The following RAB3IP variants were observed in gnomAD, a reference collection of about 807,000 sequenced individuals.
The protein encoded by RAB3IP is RAB3A interacting protein.
A neutral mutation model predicts 59.1 loss-of-function variants in RAB3IP; 36 were observed. The ratio of observed to expected loss-of-function variants is 0.61; its 90% CI spans 0.47 to 0.80. The LOEUF is 0.80. RAB3IP is among the 30% of genes least tolerant of loss of function. The pLI is 0.00. For synonymous variants in RAB3IP, 207 were observed against 191.2 expected, an observed-to-expected ratio of 1.08 and a Z score of -0.68; for missense variants, 511 against 536.0, an observed-to-expected ratio of 0.95 and a Z score of 0.46.
intron 2 of RAB3IP, 27 bp from the exon 3 acceptor site, chr12:69,756,378 T>C: frequency 6.2e-7 from 1 of 1,608,564 alleles, no homozygotes; most frequent in Non-Finnish European, 8.5e-7. Context: ...GCTGATATTT[T>C]CTGAAAAATG....
Position 69,756,434 on chromosome 12 carries a change from C to A in RAB3IP, c.281C>A (p.Ser94Tyr), listed in dbSNP as rs1870231417. ...CATGTTACAGACCCAGCCCCTTGCTCTACCTCTGGAGTCACAGCTGGATTA... is the reference window on the plus strand; with the variant it reads ...CATGTTACAGACCCAGCCCCTTGCTATACCTCTGGAGTCACAGCTGGATTA... ...SFHVTDPAPC[S>Y]TSGVTAGLTK... Residue 94 changes from serine (S) to tyrosine (Y), a missense_variant, in exon 3 of 11, where the codon TCT becomes TAT. Coordinates refer to ENST00000247833, the MANE Select transcript of RAB3IP (RefSeq NM_022456.5). The A allele has an allele frequency of 1.9e-6, 3 of 1,613,924 alleles. No individual in the cohort carries two copies. The highest frequency in any genetic ancestry group is 2.5e-6 in the Non-Finnish European group (3 of 1,179,968).
At chr12:69,760,906 T>C (rs932160896) in intron 3 of RAB3IP, among the ~76,000 whole-genome samples, 17 of 152,326 alleles carry the variant, frequency 1.1e-4, no homozygotes, top group African/African-American at 4.1e-4. Flanking sequence ...TGTTTGGGAT[T>C]TATTGAGCTT....
intron 3 of RAB3IP, among the ~76,000 whole-genome samples, chr12:69,762,403 T>C (rs907341847): frequency 6.6e-6 from 1 of 152,250 alleles, no homozygotes; most frequent in South Asian, 2.1e-4. Flanking sequence ...ACTTGTTGAT[T>C]CTTACATTCA....
intron 8 of RAB3IP, among the ~76,000 whole-genome samples, chr12:69,808,844 T>C (rs1202540231): frequency 2.0e-5 from 3 of 152,180 alleles, no homozygotes; most frequent in Non-Finnish European, 4.4e-5. Context: ...GGGTCTTGAC[T>C]CTTTATCCAA....
chr12:69,741,633 T>C (rs1191402846), intron 1 of RAB3IP, among the ~76,000 whole-genome samples: 1 of 152,238 alleles, frequency 6.6e-6, no homozygotes, highest in African/African-American at 2.4e-5. Flanking sequence ...GAGGAGATAA[T>C]ACTTTATCCC....
intron 8 of RAB3IP, among the ~76,000 whole-genome samples, chr12:69,804,927 C>T (rs1193823310): frequency 1.9e-4 from 29 of 152,080 alleles, no homozygotes; most frequent in Non-Finnish European, 2.6e-4. Flanking sequence ...AGTCAGGTAG[C>T]GTGATGCCTC....
intron 8 of RAB3IP, among the ~76,000 whole-genome samples, chr12:69,807,892 C>A (rs1329166449): frequency 6.6e-6 from 1 of 151,830 alleles, no homozygotes; most frequent in African/African-American, 2.4e-5. Context: ...AGACGCTCCT[C>A]ACCTCCCAGA....
intron 3 of RAB3IP, among the ~76,000 whole-genome samples, chr12:69,759,299 G>A (rs1203305817): frequency 6.6e-6 from 1 of 151,090 alleles, no homozygotes; most frequent in Non-Finnish European, 1.5e-5. Context: ...CACAGGGTTG[G>A]GGGTAAGGTC....
intron 8 of RAB3IP, among the ~76,000 whole-genome samples, chr12:69,808,950 A>C (rs1268785237): frequency 5.3e-5 from 8 of 151,896 alleles, no homozygotes; most frequent in African/African-American, 9.7e-5. Flanking sequence ...TTATGATGTT[A>C]GCTGGTTATT....
chr12:69,746,555 A>G (rs1816632167), intron 1 of RAB3IP, among the ~76,000 whole-genome samples: 1 of 152,118 alleles, frequency 6.6e-6, no homozygotes, highest in Non-Finnish European at 1.5e-5. Context: ...TCTTTGGTCC[A>G]TTTGTATCTG....
At chr12:69,764,216 T>C (rs778939823) in intron 3 of RAB3IP, among the ~76,000 whole-genome samples, 7 of 152,182 alleles carry the variant, frequency 4.6e-5, no homozygotes, top group African/African-American at 9.7e-5. Flanking sequence ...AGGATTCTTA[T>C]GGCTTATGGA....
chr12:69,812,730 G>A, intron 8 of RAB3IP, 48 bp from the exon 9 acceptor site: 1 of 1,269,526 alleles, frequency 7.9e-7, no homozygotes, highest in East Asian at 2.3e-5. Flanking sequence ...GAAGGTAGGG[G>A]CAAATGCTTT....
Position 69,755,638 on chromosome 12 carries a change from G to A in RAB3IP, c.230G>A (p.Cys77Tyr), listed in dbSNP as rs954250611. 6.2e-7 allele frequency: 1 copy of A among 1,612,664 alleles called. No homozygotes were observed. The highest frequency in any genetic ancestry group is 1.3e-5 in the African/African-American group (1 of 74,806). The change falls in exon 2 of 11, where the codon TGT becomes TAT. Residue 77 changes from cysteine to tyrosine, a missense_variant. By Grantham distance (194) the Cys-to-Tyr change is radical. Coordinates refer to ENST00000247833, the MANE Select transcript of RAB3IP (RefSeq NM_022456.5). Reference sequence around the variant, plus strand: ...TATTCATCCCCCAGACGTTTAAATTGTGCGGAAATATCTAGTATCAGGTAG... The same window carrying A: ...TATTCATCCCCCAGACGTTTAAATTATGCGGAAATATCTAGTATCAGGTAG... ...PVYSSPRRLNCAEISSISFHV... is the reference protein window; with the variant it reads ...PVYSSPRRLNYAEISSISFHV...
intron 4 of RAB3IP, among the ~76,000 whole-genome samples, chr12:69,789,735 T>C (rs1876302931): frequency 6.6e-6 from 1 of 152,204 alleles, no homozygotes; most frequent in African/African-American, 2.4e-5. Flanking sequence ...GATTATACAC[T>C]GTGATCAAAT....
At chr12:69,810,113 A>G (rs1047371618) in intron 8 of RAB3IP, among the ~76,000 whole-genome samples, 1 of 152,118 alleles carries the variant, frequency 6.6e-6, no homozygotes, top group African/African-American at 2.4e-5. Flanking sequence ...TTTTCCTTCT[A>G]ACAGTCAGGA....
chr12:69,751,529 C>T (rs1027652575), intron 1 of RAB3IP, among the ~76,000 whole-genome samples: 4 of 152,004 alleles, frequency 2.6e-5, no homozygotes, highest in Non-Finnish European at 5.9e-5. Context: ...AAATTTAGGC[C>T]TCTAGGATTT....
At chr12:69,772,092 T>C (rs1023997688) in intron 3 of RAB3IP, among the ~76,000 whole-genome samples, 1 of 152,234 alleles carries the variant, frequency 6.6e-6, no homozygotes, top group African/African-American at 2.4e-5. Context: ...TCTATTAATA[T>C]TTGCTCCAAT....
chr12:69,754,399 G>C lies in RAB3IP; in HGVS notation c.-25-985G>C, dbSNP rs140824421. Among the ~76,000 whole-genome samples the C allele has an allele frequency of 6.8e-3, 1,036 of 151,810 alleles. 8 individuals carry two copies. Among genetic ancestry groups the C allele is most frequent in the African/African-American group, 0.023 (955 of 41,366 alleles). ...GTATATGTATACATTGAGATATTAA[G>C]TGGGCATCATGTCTGAAACATTCTT... On this transcript the variant is annotated intron_variant, in intron 1 of 10. Transcript: ENST00000247833.
chr12:69,739,144 G>T (rs1304903906), intron 1 of RAB3IP, 113 bp downstream of exon 1: 1 of 152,352 alleles, frequency 6.6e-6, no homozygotes, highest in African/African-American at 2.4e-5. Flanking sequence ...GCAGGTGCAG[G>T]TGCTGGCGCC....
Sources: gnomAD v4.1 joint callset for allele counts (sites outside exome capture counted in the v4.1 genomes callset) on GRCh38, gnomAD v4.1.1 for gene constraint, MANE v1.5 for transcripts, NCBI Gene and HGNC (gene_info 2026-07-23, HGNC 2026-07-21) for gene names.